The following MACROD2 variants were observed in gnomAD, a reference collection of about 807,000 sequenced individuals.
MACROD2 encodes mono-ADP ribosylhydrolase 2, also known as ADP-ribose glycohydrolase MACROD2.
In MACROD2, 36 loss-of-function variants were observed where a neutral mutation model predicts 70.4. The ratio of observed to expected loss-of-function variants is 0.51; its 90% CI spans 0.39 to 0.68. The LOEUF is 0.68. Among genes scored for constraint, MACROD2 ranks in the 30% least tolerant of loss-of-function variants. MACROD2 has a pLI of 0.00. For missense variants in MACROD2, 496 were observed against 538.4 expected, an observed-to-expected ratio of 0.92 and a Z score of 0.78; for synonymous variants, 172 against 178.8, an observed-to-expected ratio of 0.96 and a Z score of 0.30.
intron 5 of MACROD2, among the ~76,000 whole-genome samples, chr20:15,138,614 ATGT>A: frequency 6.6e-6 from 1 of 152,266 alleles, no homozygotes; most frequent in Admixed American, 6.5e-5. Context: ...GAAACCTTCC[ATGT>A]TGTTATTTTT....
chr20:15,978,074 C>T (rs1041133055), intron 13 of MACROD2, among the ~76,000 whole-genome samples: 1 of 152,200 alleles, frequency 6.6e-6, no homozygotes, highest in Non-Finnish European at 1.5e-5. Context: ...CAAGGTTTAA[C>T]TTGCATGCAA....
At chr20:15,780,224 AAAAT>A (rs2051807702) in intron 8 of MACROD2, among the ~76,000 whole-genome samples, 1 of 152,172 alleles carries the variant, frequency 6.6e-6, no homozygotes, top group Non-Finnish European at 1.5e-5. Flanking sequence ...AACAAACAGA[AAAAT>A]AAATATTTAT....
chr20:14,298,404 C>T (rs977472309), intron 3 of MACROD2, among the ~76,000 whole-genome samples: 2 of 151,620 alleles, frequency 1.3e-5, no homozygotes, highest in Non-Finnish European at 2.9e-5. Context: ...TCCATCTCTA[C>T]TAAAAATACA....
intron 5 of MACROD2, among the ~76,000 whole-genome samples, chr20:14,789,462 T>TC (rs60364081): frequency 0.14 from 12,178 of 84,586 alleles, 1,362 homozygotes; most frequent in African/African-American, 0.18. Context: ...TAGTGCAAAT[T>TC]TTTTTTTTTT....
chr20:15,657,153 C>A (rs1032227931), intron 8 of MACROD2, among the ~76,000 whole-genome samples: 1 of 152,118 alleles, frequency 6.6e-6, no homozygotes, highest in African/African-American at 2.4e-5. Context: ...GCCTGAATGG[C>A]CACATGGAAA....
chr20:14,253,541 T>A (rs1297470239), intron 3 of MACROD2, among the ~76,000 whole-genome samples: 1 of 152,108 alleles, frequency 6.6e-6, no homozygotes, highest in African/African-American at 2.4e-5. Flanking sequence ...TTTAGATTGT[T>A]AATATTTTCA....
At chr20:15,611,236 G>A (rs2048965271) in intron 8 of MACROD2, among the ~76,000 whole-genome samples, 1 of 151,896 alleles carries the variant, frequency 6.6e-6, no homozygotes, top group South Asian at 2.1e-4. Flanking sequence ...AGATAGCAAT[G>A]CTTCATTTTA....
intron 3 of MACROD2, among the ~76,000 whole-genome samples, chr20:14,369,177 A>G (rs1393247144): frequency 6.6e-6 from 1 of 152,126 alleles, no homozygotes; most frequent in Non-Finnish European, 1.5e-5. Flanking sequence ...ACCTTACAGT[A>G]TTTTCAAGGA....
At chr20:14,677,372 C>A (rs1050173799) in intron 4 of MACROD2, among the ~76,000 whole-genome samples, 3 of 152,166 alleles carry the variant, frequency 2.0e-5, no homozygotes, top group Non-Finnish European at 4.4e-5. Context: ...CTTTCTATCC[C>A]GCTCTCAGAC....
chr20:14,269,211 G>A (rs1215875038), intron 3 of MACROD2, among the ~76,000 whole-genome samples: 11 of 152,104 alleles, frequency 7.2e-5, no homozygotes, highest in Admixed American at 7.2e-4. Context: ...TCAACCAACA[G>A]GAGACAGAAC....
chr20:15,191,273 C>T (rs931701684), intron 5 of MACROD2, among the ~76,000 whole-genome samples: 6 of 152,144 alleles, frequency 3.9e-5, no homozygotes, highest in Admixed American at 2.0e-4. Flanking sequence ...TGAGGGTTGT[C>T]TGCAGGGACA....
At chr20:14,121,038 C>T (rs2054582480) in intron 3 of MACROD2, among the ~76,000 whole-genome samples, 1 of 151,786 alleles carries the variant, frequency 6.6e-6, no homozygotes, top group Non-Finnish European at 1.5e-5. Context: ...AAGGAAAAAA[C>T]AGTATTTTTA....
intron 5 of MACROD2, among the ~76,000 whole-genome samples, chr20:15,078,505 AT>A (rs1470978781): frequency 1.3e-5 from 2 of 152,120 alleles, no homozygotes; most frequent in African/African-American, 4.8e-5. Context: ...CTTCAATTTT[AT>A]TTTTTACTCT....
At chr20:14,069,127 T>C (rs1309511345) in intron 2 of MACROD2, among the ~76,000 whole-genome samples, 1 of 152,160 alleles carries the variant, frequency 6.6e-6, no homozygotes, top group Admixed American at 6.5e-5. Flanking sequence ...TTTGTATTTT[T>C]AGTAGAAATG....
chr20:15,198,541 C>T (rs1424103790), intron 5 of MACROD2, among the ~76,000 whole-genome samples: 1 of 152,106 alleles, frequency 6.6e-6, no homozygotes, highest in Admixed American at 6.6e-5. Flanking sequence ...ACTGGATATA[C>T]AACTGAGCGT....
At chr20:14,282,243 A>AT (rs2082312143) in intron 3 of MACROD2, among the ~76,000 whole-genome samples, 1 of 152,166 alleles carries the variant, frequency 6.6e-6, no homozygotes, top group South Asian at 2.1e-4. Context: ...AATTATAGAT[A>AT]TTTTTCTTTG....
At chr20:15,910,394 ATGTGTGTGTGTGTGTGTG>A (rs3072220) in intron 10 of MACROD2, among the ~76,000 whole-genome samples, 4 of 146,342 alleles carry the variant, frequency 2.7e-5, no homozygotes, top group Non-Finnish European at 6.0e-5. Flanking sequence ...GTCAGAGGAC[ATGTGTGTGTGTGTGTGTG>A]TGTGTGTGTG....
At chr20:14,173,173 A>T (rs1358150326) in intron 3 of MACROD2, among the ~76,000 whole-genome samples, 1 of 152,044 alleles carries the variant, frequency 6.6e-6, no homozygotes, top group Admixed American at 6.5e-5. Flanking sequence ...TTGTATTTGG[A>T]TGTCCAGATC....
chr20:15,270,609 C>A (rs1253915768), intron 6 of MACROD2, among the ~76,000 whole-genome samples: 1 of 151,854 alleles, frequency 6.6e-6, no homozygotes, highest in Non-Finnish European at 1.5e-5. Flanking sequence ...AATACAATAA[C>A]CTAAAGATAA....
Sources: allele counts gnomAD v4.1 joint callset (sites outside exome capture counted in the v4.1 genomes callset), GRCh38; gene constraint gnomAD v4.1.1; transcripts MANE v1.5; gene names NCBI Gene and HGNC (gene_info 2026-07-23, HGNC 2026-07-21).